Variants in TENM4 observed in about 807,000 individuals in gnomAD.
The protein encoded by TENM4 is teneurin transmembrane protein 4.
Under a neutral mutation model 243.3 loss-of-function variants are expected in TENM4, and 82 were observed. The ratio of observed to expected loss-of-function variants is 0.34; its 90% confidence interval spans 0.28 to 0.40. TENM4 has a LOEUF of 0.40. Among genes scored for constraint, TENM4 ranks in the 10% least tolerant of loss-of-function variants. The pLI, the probability that TENM4 is intolerant of heterozygous loss-of-function variation, is 1.00. For missense variants in TENM4, 3,138 were observed against 3,673.3 expected, an observed-to-expected ratio of 0.85 and a Z score of 3.77; for synonymous variants, 1,412 against 1,456.3, an observed-to-expected ratio of 0.97 and a Z score of 0.69.
intron 4 of TENM4, among the ~76,000 whole-genome samples, chr11:79,082,293 C>T (rs1256992012): frequency 1.3e-5 from 2 of 152,158 alleles, no homozygotes; most frequent in Non-Finnish European, 2.9e-5. Flanking sequence ...AGCACAAATC[C>T]ACTCCCTCGG....
intron 1 of TENM4, among the ~76,000 whole-genome samples, chr11:79,402,947 T>G (rs1352411724): frequency 1.3e-5 from 2 of 152,216 alleles, no homozygotes; most frequent in East Asian, 3.8e-4. Context: ...CTTTTTTTTC[T>G]CTTTCCCCAT....
chr11:79,432,474 C>G (rs773143793), intron 1 of TENM4, among the ~76,000 whole-genome samples: 7 of 152,232 alleles, frequency 4.6e-5, no homozygotes, highest in Non-Finnish European at 1.0e-4. Flanking sequence ...CTGACTCACC[C>G]TGAACTGGAT....
At chr11:79,406,307 T>A (rs75220978) in intron 1 of TENM4, among the ~76,000 whole-genome samples, 3,073 of 152,314 alleles carry the variant, frequency 0.02, 127 homozygotes, top group African/African-American at 0.071. Flanking sequence ...AAGGAAAATG[T>A]ATCTCATTAT....
intron 1 of TENM4, among the ~76,000 whole-genome samples, chr11:79,432,902 C>T (rs762282326): frequency 1.3e-5 from 2 of 152,162 alleles, no homozygotes; most frequent in African/African-American, 2.4e-5. Flanking sequence ...ACCCTGGGCT[C>T]AGCCTTACTG....
chr11:78,915,709 G>A (rs1410476167), intron 6 of TENM4, among the ~76,000 whole-genome samples: 3 of 152,130 alleles, frequency 2.0e-5, no homozygotes, highest in African/African-American at 7.2e-5. Context: ...TGAAACTGAT[G>A]GCCAGCATCA....
At chr11:79,200,193 C>T (rs1324367544) in intron 3 of TENM4, among the ~76,000 whole-genome samples, 3 of 152,186 alleles carry the variant, frequency 2.0e-5, no homozygotes, top group Non-Finnish European at 4.4e-5. Context: ...CCAACGCAGG[C>T]CTCTTTCAAA....
chr11:78,767,101 T>C (rs1453854728), intron 18 of TENM4, among the ~76,000 whole-genome samples: 1 of 152,154 alleles, frequency 6.6e-6, no homozygotes, highest in African/African-American at 2.4e-5. Flanking sequence ...AACCCGGAGA[T>C]CTTAGATAAC....
chr11:79,224,803 T>C (rs1484216666), intron 2 of TENM4, among the ~76,000 whole-genome samples: 1 of 152,030 alleles, frequency 6.6e-6, no homozygotes, highest in Non-Finnish European at 1.5e-5. Flanking sequence ...ATATAAAAAT[T>C]AGTCCGGCAT....
intron 4 of TENM4, among the ~76,000 whole-genome samples, chr11:79,107,048 A>G (rs1368940010): frequency 6.6e-6 from 1 of 152,114 alleles, no homozygotes; most frequent in Non-Finnish European, 1.5e-5. Context: ...CATCAGTACA[A>G]TCCTAGGAGG....
At chr11:78,975,768 G>C (rs1290146429) in intron 6 of TENM4, among the ~76,000 whole-genome samples, 1 of 149,794 alleles carries the variant, frequency 6.7e-6, no homozygotes, top group East Asian at 2.0e-4. Context: ...AAAGGAAAGG[G>C]GCAAGAGATA....
At chr11:79,327,493 T>C (rs982397830) in intron 1 of TENM4, among the ~76,000 whole-genome samples, 4 of 152,184 alleles carry the variant, frequency 2.6e-5, no homozygotes, top group African/African-American at 9.7e-5. Context: ...TCATTGAATT[T>C]AAGTCAATCT....
At chr11:78,981,550 C>T (rs1287396549) in intron 6 of TENM4, among the ~76,000 whole-genome samples, 1 of 152,110 alleles carries the variant, frequency 6.6e-6, no homozygotes, top group Non-Finnish European at 1.5e-5. Flanking sequence ...TCTGGACCAC[C>T]GGCCAATCTG....
intron 1 of TENM4, among the ~76,000 whole-genome samples, chr11:79,372,385 C>T (rs1857805605): frequency 6.6e-6 from 1 of 152,222 alleles, no homozygotes; most frequent in African/African-American, 2.4e-5. Flanking sequence ...AATGACTTTG[C>T]TGTGTCAGAA....
At chr11:79,246,166 T>C (rs1434966919) in intron 2 of TENM4, among the ~76,000 whole-genome samples, 1 of 152,084 alleles carries the variant, frequency 6.6e-6, no homozygotes, top group Non-Finnish European at 1.5e-5. Context: ...CAATAAGTGT[T>C]AGCTGTTATT....
At chr11:78,690,174 G>A (rs529858378) in intron 28 of TENM4, among the ~76,000 whole-genome samples, 3 of 152,286 alleles carry the variant, frequency 2.0e-5, no homozygotes, top group Admixed American at 6.5e-5. Context: ...TCAAAGGGGT[G>A]GACTGCCTCG....
intron 4 of TENM4, among the ~76,000 whole-genome samples, chr11:79,107,018 CA>C (rs1335038086): frequency 1.3e-5 from 2 of 152,312 alleles, no homozygotes; most frequent in East Asian, 3.9e-4. Flanking sequence ...AAGGCCTTCA[CA>C]AACATGAGCT....
intron 10 of TENM4, among the ~76,000 whole-genome samples, chr11:78,862,307 C>T (rs1858842910): frequency 6.6e-6 from 1 of 151,942 alleles, no homozygotes; most frequent in African/African-American, 2.4e-5. Flanking sequence ...TCCTTTGCAC[C>T]AATTCTAGTT....
chr11:79,427,607 A>G (rs992374594), intron 1 of TENM4, among the ~76,000 whole-genome samples: 1 of 152,230 alleles, frequency 6.6e-6, no homozygotes, highest in Non-Finnish European at 1.5e-5. Flanking sequence ...CTACCTCTCC[A>G]TGGCAAGATT....
chr11:79,333,068 C>CT (rs371830080), intron 1 of TENM4, among the ~76,000 whole-genome samples: 31 of 152,274 alleles, frequency 2.0e-4, no homozygotes, highest in African/African-American at 7.5e-4. Flanking sequence ...CCTTACCATA[C>CT]TTTTTATCAC....
Sources: allele counts gnomAD v4.1 joint callset (sites outside exome capture counted in the v4.1 genomes callset), GRCh38; gene constraint gnomAD v4.1.1; transcripts MANE v1.5; gene names NCBI Gene and HGNC (gene_info 2026-07-23, HGNC 2026-07-21).